The following B3GALT1 variants were observed in gnomAD, a reference collection of about 807,000 sequenced individuals.
B3GALT1 encodes the protein beta-1,3-galactosyltransferase 1.
B3GALT1 carries 10 observed loss-of-function variants against 23.2 expected under a neutral mutation model. The ratio of observed to expected loss-of-function variants is 0.43; its 90% confidence interval spans 0.27 to 0.73. B3GALT1 has a LOEUF of 0.73. B3GALT1 is among the 30% of genes least tolerant of loss of function. The probability of loss-of-function intolerance (pLI) is 0.21; values close to 1 mark genes in which losing one functional copy is unlikely to be tolerated. For missense variants in B3GALT1, 299 were observed against 405.4 expected (o/e 0.74, Z 2.25); for synonymous variants, 156 against 141.5 (o/e 1.10, Z -0.73).
At chr2:167,729,163 A>G (rs950887062) in intron 3 of B3GALT1, among the ~76,000 whole-genome samples, 2 of 152,196 alleles carry the variant, frequency 1.3e-5, no homozygotes, top group African/African-American at 4.8e-5. Context: ...CTGGACCATG[A>G]GTGAGTATCA....
At chr2:167,695,762 A>G (rs1354577364) in intron 3 of B3GALT1, among the ~76,000 whole-genome samples, 2 of 152,176 alleles carry the variant, frequency 1.3e-5, no homozygotes, top group Non-Finnish European at 2.9e-5. Flanking sequence ...TAATCAACAC[A>G]TAATGATTCT....
chr2:167,497,504 T>C (rs1386966495), intron 2 of B3GALT1, among the ~76,000 whole-genome samples: 1 of 152,192 alleles, frequency 6.6e-6, no homozygotes, highest in Non-Finnish European at 1.5e-5. Flanking sequence ...TAGAGGATTT[T>C]TTCTGGGAAA....
chr2:167,858,022 T>C (rs1328843272), intron 4 of B3GALT1, among the ~76,000 whole-genome samples: 1 of 152,316 alleles, frequency 6.6e-6, no homozygotes, highest in Admixed American at 6.5e-5. Flanking sequence ...AAAATAATCA[T>C]GGTATAGCCA....
intron 3 of B3GALT1, among the ~76,000 whole-genome samples, chr2:167,759,114 C>G (rs1687862548): frequency 6.6e-6 from 1 of 152,188 alleles, no homozygotes; most frequent in Non-Finnish European, 1.5e-5. Flanking sequence ...CAACACTGTG[C>G]AAGACGTAGA....
At chr2:167,715,875 C>G in intron 3 of B3GALT1, 3 of 1,613,822 alleles carry the variant, frequency 1.9e-6, no homozygotes, top group South Asian at 1.1e-5. Context: ...CCTAACCGAT[C>G]TAAAACTTCT....
chr2:167,766,317 A>C (rs181828809), intron 3 of B3GALT1, among the ~76,000 whole-genome samples: 1 of 152,358 alleles, frequency 6.6e-6, no homozygotes, highest in East Asian at 1.9e-4. Context: ...AAATTGCGAC[A>C]AAACTCAAAG....
intron 1 of B3GALT1, among the ~76,000 whole-genome samples, chr2:167,427,865 C>CTT (rs1160417789): frequency 1.3e-5 from 2 of 152,194 alleles, no homozygotes; most frequent in African/African-American, 2.4e-5. Context: ...CACAAATACC[C>CTT]TTCTGCCTTC....
intron 2 of B3GALT1, among the ~76,000 whole-genome samples, chr2:167,618,081 G>GCGAA (rs1380983921): frequency 1.3e-5 from 2 of 152,010 alleles, no homozygotes; most frequent in Non-Finnish European, 2.9e-5. Context: ...ACAAACAGGA[G>GCGAA]CGAAGGTAGA....
chr2:167,521,194 T>C (rs1042364210), intron 2 of B3GALT1, among the ~76,000 whole-genome samples: 25 of 152,186 alleles, frequency 1.6e-4, no homozygotes, highest in African/African-American at 6.0e-4. Context: ...GCTTCCATTT[T>C]AGTAGAATTC....
Position 167,869,292 on chromosome 2 carries a change from A to G in B3GALT1, c.253A>G (p.Ser85Gly). 1 of 1,614,194 alleles carries G rather than the reference A, an allele frequency of 6.2e-7. No individual in the cohort carries two copies. The highest frequency in any genetic ancestry group is 8.5e-7 in the Non-Finnish European group (1 of 1,180,046). ...KNIPFLVILISTTHKEFDARQ... is the reference protein window; with the variant it reads ...KNIPFLVILIGTTHKEFDARQ... Reference sequence around the variant, plus strand: ...CATTCCTTTTCTTGTTATCCTCATCAGCACCACTCACAAGGAATTTGATGC... The same window carrying G: ...CATTCCTTTTCTTGTTATCCTCATCGGCACCACTCACAAGGAATTTGATGC... The change falls in exon 5 of 5, where the codon AGC becomes GGC. Residue 85 changes from serine to glycine, a missense_variant. By Grantham distance (56) the Ser-to-Gly change is moderately conservative. This residue lies in a region of B3GALT1 where 162 missense variants were observed against 184.1 expected (regional missense o/e 0.88). Transcript: ENST00000392690. The surrounding 1 kb of genome is among the most constrained non-coding windows in gnomAD (Gnocchi z 6.4).
intron 2 of B3GALT1, among the ~76,000 whole-genome samples, chr2:167,568,835 G>T (rs1684231945): frequency 6.6e-6 from 1 of 151,384 alleles, no homozygotes; most frequent in Non-Finnish European, 1.5e-5. Flanking sequence ...TTTCTCCTGT[G>T]TTATTTTTGA....
intron 2 of B3GALT1, among the ~76,000 whole-genome samples, chr2:167,565,567 G>T (rs188709802): frequency 6.6e-6 from 1 of 152,216 alleles, no homozygotes; most frequent in East Asian, 1.9e-4. Context: ...AGAGTGAACA[G>T]GCAACCTACA....
At chr2:167,410,030 A>T (rs915124809) in intron 1 of B3GALT1, among the ~76,000 whole-genome samples, 14 of 152,204 alleles carry the variant, frequency 9.2e-5, no homozygotes, top group Admixed American at 9.2e-4. Flanking sequence ...ACCATCCCAA[A>T]TGCCCATCAA....
chr2:167,408,306 T>TA (rs1265616207), intron 1 of B3GALT1, among the ~76,000 whole-genome samples: 1 of 152,140 alleles, frequency 6.6e-6, no homozygotes, highest in African/African-American at 2.4e-5. Flanking sequence ...AAGCATTTGA[T>TA]AAAATTCAGC....
intron 3 of B3GALT1, among the ~76,000 whole-genome samples, chr2:167,691,968 A>T (rs188580350): frequency 6.6e-6 from 1 of 152,150 alleles, no homozygotes; most frequent in Non-Finnish European, 1.5e-5. Context: ...TGTGAGGCCT[A>T]TGTGGGACAT....
intron 1 of B3GALT1, among the ~76,000 whole-genome samples, chr2:167,342,141 G>T (rs1697156168): frequency 6.6e-6 from 1 of 152,070 alleles, no homozygotes; most frequent in Non-Finnish European, 1.5e-5. Flanking sequence ...ATGGAAAATT[G>T]TAAGTTTTTT....
chr2:167,678,476 A>T (rs1180329579), intron 3 of B3GALT1, among the ~76,000 whole-genome samples: 1 of 151,360 alleles, frequency 6.6e-6, no homozygotes, highest in African/African-American at 2.4e-5. Context: ...GCACCTTATT[A>T]TTTTTTTTAG....
intron 1 of B3GALT1, among the ~76,000 whole-genome samples, chr2:167,316,841 G>A (rs1696728106): frequency 6.6e-6 from 1 of 152,052 alleles, no homozygotes; most frequent in South Asian, 2.1e-4. Context: ...TTGCACTCGA[G>A]TCCTTGTCAC....
At chr2:167,725,357 G>A (rs762140082) in intron 3 of B3GALT1, among the ~76,000 whole-genome samples, 1 of 152,118 alleles carries the variant, frequency 6.6e-6, no homozygotes, top group Non-Finnish European at 1.5e-5. Context: ...TATATTTTGT[G>A]TGTGGTCCTG....
Sources: gnomAD v4.1 joint callset for allele counts (sites outside exome capture counted in the v4.1 genomes callset) on GRCh38, gnomAD v4.1.1 for gene constraint, gnomAD v4.1.1 regional missense constraint, Gnocchi (gnomAD v3.1) non-coding constraint, MANE v1.5 for transcripts, NCBI Gene and HGNC (gene_info 2026-07-23, HGNC 2026-07-21) for gene names.